The following SOHLH2 variants were observed in gnomAD, a reference collection of about 807,000 sequenced individuals.
The protein encoded by SOHLH2 is spermatogenesis and oogenesis specific basic helix-loop-helix 2, also known as spermatogenesis- and oogenesis-specific basic helix-loop-helix-containing protein 2.
In SOHLH2, 22 loss-of-function variants were observed where a neutral mutation model predicts 50.4. The observed-to-expected ratio is 0.44, with a 90% CI of 0.31 to 0.62. The LOEUF (loss-of-function observed/expected upper bound fraction) is 0.62. Among genes scored for constraint, SOHLH2 ranks in the 20% least tolerant of loss-of-function variants. The pLI is 0.08. For synonymous variants in SOHLH2, 185 were observed against 187.3 expected (o/e 0.99, Z 0.10); for missense variants, 412 against 504.4 (o/e 0.82, Z 1.76).
chr13:36,214,349 T>A (rs1566049944), intron 1 of SOHLH2, 130 bp downstream of exon 1: 4 of 1,142,652 alleles, frequency 3.5e-6, no homozygotes, highest in Non-Finnish European at 4.9e-6. Flanking sequence ...CCCTTCCTGC[T>A]ATTCGCTCCC....
At chr13:36,193,774 A>G (rs906511530) in intron 3 of SOHLH2, 32 bp downstream of exon 3, 5 of 1,602,438 alleles carry the variant, frequency 3.1e-6, no homozygotes, top group African/African-American at 2.7e-5. Flanking sequence ...TATTTAGAGA[A>G]AAAACAAATA....
At chr13:36,195,758 A>G (rs1412634713) in intron 2 of SOHLH2, among the ~76,000 whole-genome samples, 1 of 152,204 alleles carries the variant, frequency 6.6e-6, no homozygotes, top group Non-Finnish European at 1.5e-5. Flanking sequence ...TCAGACTAGC[A>G]GGATTATTAA....
chr13:36,205,169 C>T (rs1387561942), intron 1 of SOHLH2, among the ~76,000 whole-genome samples: 8 of 152,170 alleles, frequency 5.3e-5, no homozygotes, highest in Non-Finnish European at 8.8e-5. Context: ...CAATACATTT[C>T]CATTGATTAT....
chr13:36,201,743 T>C, intron 2 of SOHLH2, 136 bp downstream of exon 2: 2 of 1,324,180 alleles, frequency 1.5e-6, no homozygotes, highest in Non-Finnish European at 2.0e-6. Context: ...GTGCCAGGAT[T>C]ACACGCATGA....
chr13:36,209,005 T>C (rs939819647), intron 1 of SOHLH2, among the ~76,000 whole-genome samples: 5 of 152,216 alleles, frequency 3.3e-5, no homozygotes, highest in African/African-American at 1.2e-4. Flanking sequence ...TTATTCATCC[T>C]ACTTGGCACA....
intron 1 of SOHLH2, among the ~76,000 whole-genome samples, chr13:36,211,798 C>T (rs951667535): frequency 1.3e-5 from 2 of 152,128 alleles, no homozygotes; most frequent in African/African-American, 4.8e-5. Flanking sequence ...CAAGTAATAC[C>T]GAACTGAGCA....
rs1016048066 is a variant in SOHLH2 at position 36,173,625 on chromosome 13, G to A, written c.1000+67C>T. 2.5e-6 allele frequency: 4 copies of A among 1,587,140 alleles called. No individual in the cohort carries two copies. In the African/African-American group the frequency reaches 5.4e-5, roughly 21 times the overall value. ...CCTGGTTATGGTGGTGAATGCACAG[G>A]AGCCTGGGGGTTTGCAGGGCAGGGC... On this transcript the variant is annotated intron_variant, in intron 9 of 10. Coordinates refer to ENST00000379881, the MANE Select transcript of SOHLH2 (RefSeq NM_017826.3).
rs1295422482 is a variant in SOHLH2 at position 36,168,778 on chromosome 13, T to C, written c.*256A>G. On this transcript the variant is annotated 3_prime_UTR_variant, in exon 11 of 11. Transcript: ENST00000379881. ...AGAGAGTGTAGGTCACTGAGGCCAT[T>C]TGTTCTTGTAGCTCTCTGGCTGGCG... is the stretch of plus-strand genomic sequence containing the variant. The C allele has an allele frequency of 1.3e-5, 6 of 470,072 alleles. No individual in the cohort carries two copies. The Admixed American group carries it at 2.0e-4, about 16-fold the overall frequency. 29.1% of individuals were successfully genotyped at this position (470,072 alleles called of 1,614,324 possible). A position where few individuals can be genotyped will look rare whatever the true frequency, so the allele number is the denominator to read the frequency against.
Position 36,170,739 on chromosome 13 carries a change from G to C in SOHLH2, c.1049C>G (p.Thr350Ser), listed in dbSNP as rs751813398. ...AGACAGCGCTGCACTGGAAATGTGA[G>C]TTTTATATGGATCACCAATAGCATT... ...SENAIGDPYK[T>S]HISSAALSLN... Residue 350 changes from threonine to serine, a missense_variant, in exon 10 of 11, where the codon ACT becomes AGT. Physicochemically the swap from Thr to Ser is moderately conservative, Grantham distance 58 (BLOSUM62 1). Coordinates refer to ENST00000379881, the MANE Select transcript of SOHLH2 (RefSeq NM_017826.3). 4.3e-6 allele frequency: 7 copies of C among 1,614,194 alleles called. No individual in the cohort carries two copies. In the East Asian group the frequency reaches 6.7e-5, roughly 15 times the overall value.
In SOHLH2 at chr13:36,193,654, C is replaced by T; in HGVS notation, c.397G>A (p.Val133Ile). The change falls in exon 4 of 11, where the codon GTA (valine) becomes ATA (isoleucine). Residue 133 changes from valine (V) to isoleucine (I), a missense_variant. By Grantham distance (29) the Val-to-Ile change is conservative. Transcript: ENST00000379881. ...PLTMEKMSNV[V>I]KYWTTCPSNT... is the part of the protein sequence containing the mutation. ...GAGGGACATGTTGTCCAGTATTTTA[C>T]CACATTACTCATTTTTTCCATTGTC... 1 of 1,612,236 alleles carries T rather than the reference C, an allele frequency of 6.2e-7. No homozygotes were observed. Among genetic ancestry groups the T allele is most frequent in the Non-Finnish European group, 8.5e-7 (1 of 1,179,560 alleles).
intron 2 of SOHLH2, among the ~76,000 whole-genome samples, chr13:36,199,102 T>C (rs75743150): frequency 0.089 from 13,625 of 152,240 alleles, 633 homozygotes; most frequent in East Asian, 0.13. Context: ...TGCTTTAGGA[T>C]AGATGAAGGT....
intron 1 of SOHLH2, among the ~76,000 whole-genome samples, chr13:36,204,533 T>C (rs929968467): frequency 6.6e-6 from 1 of 152,214 alleles, no homozygotes; most frequent in Non-Finnish European, 1.5e-5. Flanking sequence ...ACAGGATTAC[T>C]GAACAGACTA....
intron 2 of SOHLH2, among the ~76,000 whole-genome samples, chr13:36,194,496 G>A (rs991184866): frequency 5.3e-5 from 8 of 152,182 alleles, no homozygotes; most frequent in Non-Finnish European, 8.8e-5. Context: ...CCACTGGTGG[G>A]CAGGGGTGGG....
intron 9 of SOHLH2, among the ~76,000 whole-genome samples, chr13:36,171,431 C>A (rs141800476): frequency 1.3e-5 from 2 of 152,176 alleles, no homozygotes; most frequent in South Asian, 2.1e-4. Context: ...CACAGAAACC[C>A]TGGGACCTTG....
intron 9 of SOHLH2, among the ~76,000 whole-genome samples, chr13:36,172,144 C>A (rs944221847): frequency 6.6e-6 from 1 of 152,178 alleles, no homozygotes; most frequent in African/African-American, 2.4e-5. Context: ...CAAGATTGGT[C>A]TCCTTAGGGG....
In SOHLH2 at chr13:36,170,576, G is replaced by A. The variant is rs550456759; in HGVS notation, c.1212C>T (p.Cys404=). Residue 404 remains cysteine, a synonymous_variant, in exon 10 of 11, where the codon TGC becomes TGT. Transcript: ENST00000379881. ...TGCACGTCTGGCCCAACCCAGAAGT[G>A]CAGTGCCGAGGGAGAAGCTTTGAGA... ...PPVSKLLPRH[C]TSGLGQTCTT... 9 of 1,614,176 alleles carry A rather than the reference G, an allele frequency of 5.6e-6. No individual in the cohort carries two copies. The highest frequency in any genetic ancestry group is 5.0e-5 in the Admixed American group (3 of 60,028).
intron 6 of SOHLH2, among the ~76,000 whole-genome samples, chr13:36,184,458 AC>A (rs200203825): frequency 0.055 from 5,313 of 95,878 alleles, 311 homozygotes; most frequent in South Asian, 0.15. Context: ...ACCTACAAAG[AC>A]CTTTTTTTTT....
At chr13:36,173,835 T>C in intron 8 of SOHLH2, 25 bp from the exon 9 acceptor site, 1 of 1,613,206 alleles carries the variant, frequency 6.2e-7, no homozygotes, top group South Asian at 1.1e-5. Context: ...AAAAATTATT[T>C]GCACATTTTT....
intron 6 of SOHLH2, among the ~76,000 whole-genome samples, chr13:36,175,519 A>G (rs1388884106): frequency 6.6e-6 from 1 of 152,198 alleles, no homozygotes; most frequent in East Asian, 1.9e-4. Context: ...GGGGATAGGA[A>G]ATGTAGATCT....
Sources: allele counts gnomAD v4.1 joint callset (sites outside exome capture counted in the v4.1 genomes callset), GRCh38; gene constraint gnomAD v4.1.1; transcripts MANE v1.5; gene names NCBI Gene and HGNC (gene_info 2026-07-23, HGNC 2026-07-21).